SENP1: variants seen among roughly 807,000 people sequenced by gnomAD.
The protein encoded by SENP1 is sentrin-specific protease 1.
A neutral mutation model predicts 93.0 loss-of-function variants in SENP1; 21 were observed. The ratio of observed to expected loss-of-function variants is 0.23; its 90% CI spans 0.16 to 0.33. The LOEUF (loss-of-function observed/expected upper bound fraction) is 0.33. Ranked by LOEUF, SENP1 falls within the 10% of genes least tolerant of loss-of-function variation. The pLI, the probability that SENP1 is intolerant of heterozygous loss-of-function variation, is 1.00. For missense variants in SENP1, 591 were observed against 758.7 expected, an observed-to-expected ratio of 0.78 and a Z score of 2.60; for synonymous variants, 256 against 259.6, an observed-to-expected ratio of 0.99 and a Z score of 0.13.
At chr12:48,050,490 G>A (rs1009048520) in intron 13 of SENP1, among the ~76,000 whole-genome samples, 4 of 152,224 alleles carry the variant, frequency 2.6e-5, no homozygotes, top group Admixed American at 6.5e-5. Context: ...TGTTTTCTCT[G>A]CAGCTGATGA....
At chr12:48,056,363 AAT>A (rs1205977523) in intron 13 of SENP1, among the ~76,000 whole-genome samples, 5 of 117,330 alleles carry the variant, frequency 4.3e-5, no homozygotes, top group African/African-American at 1.7e-4. Flanking sequence ...TATATTATTT[AAT>A]ATATTACATA....
At position 48,069,175 on chromosome 12, in the gene SENP1, A is replaced by G. The variant is rs565092223; in HGVS notation, c.996-2210T>C. On this transcript the variant is annotated intron_variant, in intron 9 of 17. Coordinates refer to ENST00000549518, the MANE Select transcript of SENP1 (RefSeq NM_001267594.2). ...CACAAAAAAAAAAAAAAAAAAAAAA[A>G]AAAGAAAGAAAGAAAAGGAAGCAAA... 8.0e-5 allele frequency among the ~76,000 whole-genome samples: 12 copies of G among 150,924 alleles called. No individual in the cohort carries two copies. The South Asian group carries it at 1.3e-3, about 16-fold the overall frequency.
intron 4 of SENP1, among the ~76,000 whole-genome samples, chr12:48,090,278 T>G (rs1945136106): frequency 6.6e-6 from 1 of 152,212 alleles, no homozygotes; most frequent in Non-Finnish European, 1.5e-5. Flanking sequence ...TAGAAATATT[T>G]GTCTCTCACA....
chr12:48,078,352 TACACACACAC>T (rs200961396), intron 6 of SENP1, among the ~76,000 whole-genome samples: 71 of 136,942 alleles, frequency 5.2e-4, no homozygotes, highest in East Asian at 1.2e-3. Flanking sequence ...CATATATATA[TACACACACAC>T]ACATACACAT....
chr12:48,094,374 T>C lies in SENP1; in HGVS notation c.220+1969A>G, dbSNP rs149811913. Among the ~76,000 whole-genome samples the C allele has an allele frequency of 8.5e-3, 1,283 of 150,208 alleles. 12 individuals are homozygous for C. The highest frequency in any genetic ancestry group is 0.012 in the Non-Finnish European group (837 of 67,422). ...CAACCTGGGTGACAGAGTGAAACTC[T>C]GTCTCAAAAAAAAATTAAAAATAGG... On this transcript the variant is annotated intron_variant, in intron 4 of 17. Transcript: ENST00000549518.
At chr12:48,096,094 T>A (rs936192507) in intron 4 of SENP1, among the ~76,000 whole-genome samples, 1 of 152,226 alleles carries the variant, frequency 6.6e-6, no homozygotes. Flanking sequence ...CTTTTTACAA[T>A]GGCATAATGG....
At chr12:48,079,422 C>T (rs1944358074) in intron 6 of SENP1, among the ~76,000 whole-genome samples, 1 of 152,062 alleles carries the variant, frequency 6.6e-6, no homozygotes, top group Non-Finnish European at 1.5e-5. Context: ...TTGCTTGAAC[C>T]CGGGAGACGG....
intron 13 of SENP1, among the ~76,000 whole-genome samples, chr12:48,058,656 T>C (rs1449738416): frequency 6.6e-6 from 1 of 152,216 alleles, no homozygotes; most frequent in Non-Finnish European, 1.5e-5. Flanking sequence ...ATTTTACTTC[T>C]GTATGTTATA....
In SENP1 at chr12:48,081,054, G is replaced by T. The variant is rs374492687; in HGVS notation, c.552+2537C>A. The stretch of plus-strand genomic sequence containing the variant: ...TGAGTGGTCCACAGAGCTGGTGGGT[G>T]AATGGCAAACTTACAATGAACACAG... On this transcript the variant is annotated intron_variant, in intron 6 of 17. Coordinates refer to ENST00000549518, the MANE Select transcript of SENP1 (RefSeq NM_001267594.2). Among the ~76,000 whole-genome samples, 10 of 152,192 alleles carry T rather than the reference G, an allele frequency of 6.6e-5. No homozygotes were observed. The East Asian group carries it at 9.7e-4, about 15-fold the overall frequency.
At position 48,044,869 on chromosome 12, in the gene SENP1, G is replaced by T. The variant is rs1477162231; in HGVS notation, c.*453C>A. On this transcript the variant is annotated 3_prime_UTR_variant, in exon 18 of 18. Coordinates refer to ENST00000549518, the MANE Select transcript of SENP1 (RefSeq NM_001267594.2). ...GTGTGTGTGTGTGTTTGTGTGTGTG[G>T]GTGTGTGTGTATGTCCATGTATATG... 1 of 166,120 alleles carries T rather than the reference G, an allele frequency of 6.0e-6. No individual in the cohort carries two copies. Among genetic ancestry groups the T allele is most frequent in the Non-Finnish European group, 1.3e-5 (1 of 75,434 alleles). 10.3% of individuals were successfully genotyped at this position (166,120 alleles called of 1,614,324 possible).
chr12:48,056,359 ATTT>A (rs1942345369), intron 13 of SENP1, among the ~76,000 whole-genome samples: 1 of 117,352 alleles, frequency 8.5e-6, no homozygotes, highest in Non-Finnish European at 1.6e-5. Flanking sequence ...ATAATATATT[ATTT>A]AATATATTAC....
chr12:48,072,997 T>C (rs907194407), intron 8 of SENP1, among the ~76,000 whole-genome samples: 2 of 150,804 alleles, frequency 1.3e-5, no homozygotes, highest in African/African-American at 4.9e-5. Flanking sequence ...GGAAAGAAAC[T>C]GGAAGAAGGA....
chr12:48,102,348 C>T (rs1945997531), intron 1 of SENP1, among the ~76,000 whole-genome samples: 1 of 143,606 alleles, frequency 7.0e-6, no homozygotes, highest in Non-Finnish European at 1.5e-5. Flanking sequence ...AGAAGAATTG[C>T]TTGAACCCAG....
At chr12:48,105,830 C>A (rs1232176966) in intron 1 of SENP1, 198 bp downstream of exon 1, 3 of 595,926 alleles carry the variant, frequency 5.0e-6, no homozygotes, top group African/African-American at 1.9e-5. Flanking sequence ...CGGCCACCGG[C>A]GGCCACAGCG....
intron 17 of SENP1, among the ~76,000 whole-genome samples, 195 bp downstream of exon 17, chr12:48,046,161 G>A (rs1941345630): frequency 1.3e-5 from 2 of 152,146 alleles, no homozygotes; most frequent in Non-Finnish European, 1.5e-5. Context: ...GGTAACCCAG[G>A]ACGTGGCTTA....
At chr12:48,103,850 T>C (rs1315933267) in intron 1 of SENP1, among the ~76,000 whole-genome samples, 2 of 152,218 alleles carry the variant, frequency 1.3e-5, no homozygotes, top group Admixed American at 6.5e-5. Flanking sequence ...GAAACACTTA[T>C]AACCTTACAT....
In SENP1 at chr12:48,083,671, G is replaced by A. The variant is rs1002597959; in HGVS notation, c.472C>T (p.Pro158Ser). ...CGACGACATGAACCACTCCAAGATG[G>A]ACTTGGAACAGGTTTAATAGGAAAA... The part of the protein sequence containing the change: ...KSFPIKPVPS[P>S]SWSGSCRRSL... The change falls in exon 6 of 18, where the codon CCA becomes TCA. Residue 158 changes from proline (P) to serine (S), a missense_variant. By Grantham distance (74) the Pro-to-Ser change is moderately conservative (BLOSUM62 -1). This residue lies in a region of SENP1 where 214 missense variants were observed against 243.4 expected (regional missense o/e 0.88). Transcript: ENST00000549518. 14 of 1,612,268 alleles carry A rather than the reference G, an allele frequency of 8.7e-6. No individual in the cohort carries two copies. Among genetic ancestry groups the A allele is most frequent in the South Asian group, 2.2e-5 (2 of 90,996 alleles).
Position 48,047,069 on chromosome 12 carries a change from G to T in SENP1, c.1692-7C>A. 4 of 1,580,088 alleles carry T rather than the reference G, an allele frequency of 2.5e-6. No individual in the cohort carries two copies. Among genetic ancestry groups the T allele is most frequent in the East Asian group, 2.2e-5 (1 of 44,666 alleles). On this transcript the variant is annotated splice_polypyrimidine_tract_variant and splice_region_variant and intron_variant, in intron 15 of 17. Transcript: ENST00000549518. ...TTCTTGCTTTAGGTATTGCCTAAAG[G>T]TATCAGGAGAGAATGAGATAAGCAG... is the stretch of plus-strand genomic sequence containing the variant.
chr12:48,080,402 ATTC>A (rs1041490457), intron 6 of SENP1: 21 of 152,460 alleles, frequency 1.4e-4, no homozygotes, highest in African/African-American at 3.6e-4. Context: ...ATATTTCTAA[ATTC>A]TTCTTCATGT....
Sources: allele counts gnomAD v4.1 joint callset (sites outside exome capture counted in the v4.1 genomes callset), GRCh38; gene constraint gnomAD v4.1.1; regional missense constraint gnomAD v4.1.1; transcripts MANE v1.5; gene names NCBI Gene and HGNC (gene_info 2026-07-23, HGNC 2026-07-21).